Variants in SMYD3 observed in about 807,000 individuals in gnomAD.
SMYD3 encodes the protein histone-lysine N-methyltransferase SMYD3.
Under a neutral mutation model 57.7 loss-of-function variants are expected in SMYD3, and 36 were observed. The observed-to-expected ratio is 0.62, with a 90% CI of 0.48 to 0.82. The LOEUF (loss-of-function observed/expected upper bound fraction) is 0.82, where lower values mean the gene tolerates loss of function less well. Among genes scored for constraint, SMYD3 ranks in the 40% least tolerant of loss-of-function variants. SMYD3 has a pLI of 0.00. For missense variants in SMYD3, 515 were observed against 538.8 expected (o/e 0.96, Z 0.44); for synonymous variants, 211 against 195.0 (o/e 1.08, Z -0.68).
chr1:246,110,884 A>C (rs2061224878), intron 5 of SMYD3, among the ~76,000 whole-genome samples: 1 of 152,144 alleles, frequency 6.6e-6, no homozygotes, highest in South Asian at 2.1e-4. Flanking sequence ...TTCCATTTTA[A>C]GGGTTCTAAA....
chr1:245,823,894 T>C (rs12034110), intron 10 of SMYD3, among the ~76,000 whole-genome samples: 14,987 of 152,170 alleles, frequency 0.098, 1,076 homozygotes, highest in East Asian at 0.19. Flanking sequence ...TTCCCAGGTT[T>C]TACTTCCAGA....
rs569498875 is a variant in SMYD3 at position 245,938,578 on chromosome 1, C to T, written c.532-8641G>A. ...GAAAGAAATAAAAGAGGAAATTTAT[C>T]ATGGCTTCATTCCAACTCCTACACT... On this transcript the variant is annotated intron_variant, in intron 5 of 11. Transcript: ENST00000490107. 3.2e-4 allele frequency among the ~76,000 whole-genome samples: 49 copies of T among 152,334 alleles called. No homozygotes were observed. The South Asian group carries it at 1.0e-2, about 31-fold the overall frequency.
chr1:246,024,308 G>A (rs1480618494), intron 5 of SMYD3, among the ~76,000 whole-genome samples: 1 of 151,872 alleles, frequency 6.6e-6, no homozygotes, highest in African/African-American at 2.4e-5. Flanking sequence ...ACAGCATCTA[G>A]GAAGAGAGAT....
chr1:246,278,563 G>A (rs903169566), intron 5 of SMYD3, among the ~76,000 whole-genome samples: 5 of 152,186 alleles, frequency 3.3e-5, no homozygotes, highest in Admixed American at 6.5e-5. Flanking sequence ...GTAGACTTCA[G>A]CCAAGAGCCG....
At chr1:246,372,542 A>G (rs1572432477) in intron 1 of SMYD3, among the ~76,000 whole-genome samples, 1 of 152,154 alleles carries the variant, frequency 6.6e-6, no homozygotes, top group Admixed American at 6.5e-5. Context: ...AGGAATAGAG[A>G]TTTTGCATAG....
intron 10 of SMYD3, among the ~76,000 whole-genome samples, chr1:245,851,501 G>A (rs1007662911): frequency 4.6e-5 from 7 of 152,080 alleles, no homozygotes; most frequent in Non-Finnish European, 7.4e-5. Context: ...GTCTCCTACC[G>A]GCCAAGGCAT....
At chr1:246,072,281 TGGATG>T (rs2060468100) in intron 5 of SMYD3, among the ~76,000 whole-genome samples, 1 of 143,734 alleles carries the variant, frequency 7.0e-6, no homozygotes, top group Non-Finnish European at 1.6e-5. Context: ...GTGCTCACTG[TGGATG>T]CATCGTGTTA....
At chr1:245,900,116 C>T (rs1203078697) in intron 8 of SMYD3, among the ~76,000 whole-genome samples, 3 of 152,154 alleles carry the variant, frequency 2.0e-5, no homozygotes, top group African/African-American at 4.8e-5. Context: ...TCTGAAAAAC[C>T]CTAATTTTAA....
intron 10 of SMYD3, among the ~76,000 whole-genome samples, chr1:245,773,491 G>C (rs956071859): frequency 6.6e-6 from 1 of 152,238 alleles, no homozygotes; most frequent in Admixed American, 6.5e-5. Context: ...GCTGGCAGCA[G>C]GGAAACCTCA....
chr1:246,076,275 C>T (rs1363324562), intron 5 of SMYD3, among the ~76,000 whole-genome samples: 1 of 152,184 alleles, frequency 6.6e-6, no homozygotes, highest in African/African-American at 2.4e-5. Context: ...AATTCTCACC[C>T]AGGAAAGAGA....
At chr1:245,753,605 C>T (rs1477580151) in intron 11 of SMYD3, among the ~76,000 whole-genome samples, 1 of 131,286 alleles carries the variant, frequency 7.6e-6, no homozygotes, top group Non-Finnish European at 1.8e-5. Flanking sequence ...GCCCTGGGCA[C>T]AGCCCTTCAG....
intron 5 of SMYD3, among the ~76,000 whole-genome samples, chr1:246,178,339 T>C (rs922182681): frequency 6.7e-5 from 10 of 150,120 alleles, no homozygotes; most frequent in African/African-American, 2.5e-4. Context: ...TCTGAAAAGA[T>C]TAAAGACTGA....
chr1:245,978,773 A>C (rs1403575364), intron 5 of SMYD3, among the ~76,000 whole-genome samples: 2 of 152,088 alleles, frequency 1.3e-5, no homozygotes, highest in Non-Finnish European at 2.9e-5. Flanking sequence ...CTTACTTCCC[A>C]AACTCCTCTC....
chr1:246,366,918 G>GTCTC, intron 1 of SMYD3, among the ~76,000 whole-genome samples: 1 of 124,470 alleles, frequency 8.0e-6, no homozygotes, highest in African/African-American at 3.2e-5. Flanking sequence ...GCGACAGAGC[G>GTCTC]AGACTCCATC....
intron 8 of SMYD3, among the ~76,000 whole-genome samples, chr1:245,865,436 T>G (rs894603693): frequency 6.6e-6 from 1 of 152,188 alleles, no homozygotes; most frequent in Non-Finnish European, 1.5e-5. Context: ...GTCTAACATC[T>G]TTCTCCCTAA....
At chr1:245,919,080 C>T (rs2055667170) in intron 7 of SMYD3, among the ~76,000 whole-genome samples, 1 of 152,176 alleles carries the variant, frequency 6.6e-6, no homozygotes. Context: ...ACTGTAACTG[C>T]CTGGAACCAT....
At chr1:246,027,085 T>C (rs993433921) in intron 5 of SMYD3, among the ~76,000 whole-genome samples, 5 of 152,210 alleles carry the variant, frequency 3.3e-5, no homozygotes, top group Non-Finnish European at 5.9e-5. Context: ...AATATTCCCT[T>C]AAGCCAAAGC....
In SMYD3 at chr1:246,203,644, C is replaced by G. The variant is rs149355280; in HGVS notation, c.531+123557G>C. ...CTGGACTAGGGTCAACCCTAAAGGC[C>G]TCATGTTAAATCACCTCTTCAAAGA... On this transcript the variant is annotated intron_variant, in intron 5 of 11. Coordinates refer to ENST00000490107, the MANE Select transcript of SMYD3 (RefSeq NM_001167740.2). This position sits in a 1 kb window ranked among gnomAD's most constrained non-coding sequence, Gnocchi z 4.6. Among the ~76,000 whole-genome samples, 242 of 152,308 alleles carry G rather than the reference C, an allele frequency of 1.6e-3. No individual in the cohort carries two copies. The highest frequency in any genetic ancestry group is 5.7e-3 in the African/African-American group (237 of 41,564).
Position 246,253,618 on chromosome 1 carries a change from C to T in SMYD3, c.531+73583G>A, listed in dbSNP as rs373408106. 1.9e-4 allele frequency among the ~76,000 whole-genome samples: 29 copies of T among 152,198 alleles called. No homozygotes were observed. The East Asian group carries it at 5.2e-3, about 27-fold the overall frequency. ...CATGGAATGTCTTTCTACTTGTTTG[C>T]GTCATTTCTGATTTCTTTCAGCAGT... On this transcript the variant is annotated intron_variant, in intron 5 of 11. Transcript: ENST00000490107.
Sources: allele counts gnomAD v4.1 joint callset (sites outside exome capture counted in the v4.1 genomes callset), GRCh38; gene constraint gnomAD v4.1.1; non-coding constraint Gnocchi (gnomAD v3.1); transcripts MANE v1.5; gene names NCBI Gene and HGNC (gene_info 2026-07-23, HGNC 2026-07-21).